Variants in LMO4 observed in about 807,000 individuals in gnomAD.
LMO4 encodes the protein LIM domain only 4.
Under a neutral mutation model 18.5 loss-of-function variants are expected in LMO4, and 3 were observed. The ratio of observed to expected loss-of-function variants is 0.16; its 90% CI spans 0.07 to 0.42. The LOEUF (loss-of-function observed/expected upper bound fraction) is 0.42, where lower values mean the gene tolerates loss of function less well. Ranked by LOEUF, LMO4 falls within the 10% of genes least tolerant of loss-of-function variation. LMO4 has a pLI of 0.99. For synonymous variants in LMO4, 100 were observed against 88.1 expected, an observed-to-expected ratio of 1.14 and a Z score of -0.76; for missense variants, 121 against 219.9, an observed-to-expected ratio of 0.55 and a Z score of 2.84.
At position 87,345,910 on chromosome 1, in the gene LMO4, C is replaced by T. The variant is rs1179147872; in HGVS notation, c.*1114C>T. 1.3e-5 allele frequency: 2 copies of T among 151,960 alleles called. No individual in the cohort carries two copies. The highest frequency in any genetic ancestry group is 2.9e-5 in the Non-Finnish European group (2 of 67,988). The allele number at this position is 151,960 out of a possible 1,614,324, so 9.4% of individuals were successfully genotyped here. On this transcript the variant is annotated 3_prime_UTR_variant, in exon 5 of 5. Coordinates refer to ENST00000370544, the MANE Select transcript of LMO4 (RefSeq NM_006769.4). ...CCACTATTTTGTTTATTCTTTTTCT[C>T]AATAGCAAACAAAGCCTTGGGTATT...
Position 87,348,702 on chromosome 1 carries a change from G to A in LMO4, c.*3906G>A, listed in dbSNP as rs1366842880. 1 of 511,062 alleles carries A rather than the reference G, an allele frequency of 2.0e-6. No individual in the cohort carries two copies. Among genetic ancestry groups the A allele is most frequent in the Admixed American group, 2.0e-5 (1 of 50,310 alleles). The allele number at this position is 511,062 out of a possible 1,614,324, so 31.7% of individuals were successfully genotyped here. A position where few individuals can be genotyped will look rare whatever the true frequency, so the allele number is the denominator to read the frequency against. Reference sequence around the variant, plus strand: ...GGTGAACTTGCAACTTACCTCAAGTGAATACTGTTTTCAGTTGTGCAAGAA... The same window carrying A: ...GGTGAACTTGCAACTTACCTCAAGTAAATACTGTTTTCAGTTGTGCAAGAA... On this transcript the variant is annotated 3_prime_UTR_variant, in exon 5 of 5. Coordinates refer to ENST00000370544, the MANE Select transcript of LMO4 (RefSeq NM_006769.4).
chr1:87,348,856 T>TA lies in LMO4; in HGVS notation c.*4061dup. 1 of 464,692 alleles carries TA rather than the reference T, an allele frequency of 2.2e-6. No individual in the cohort carries two copies. Among genetic ancestry groups the TA allele is most frequent in the Non-Finnish European group, 4.3e-6 (1 of 231,004 alleles). 28.8% of individuals were successfully genotyped at this position (464,692 alleles called of 1,614,324 possible). On this transcript the variant is annotated 3_prime_UTR_variant, in exon 5 of 5. Transcript: ENST00000370544. Reference sequence around the variant, plus strand: ...TAATGTACTACAGGCCCTGACATGTTACAGCTGTGTAAACAGGGCCATTCT... The same window carrying TA: ...TAATGTACTACAGGCCCTGACATGTTAACAGCTGTGTAAACAGGGCCATTCT...
rs898846887 is a variant in LMO4, at chr1:87,329,212, C to G, written c.-36C>G. 2.6e-5 allele frequency: 4 copies of G among 152,440 alleles called. No individual in the cohort carries two copies. In the East Asian group the frequency reaches 7.7e-4, roughly 30 times the overall value. The allele number at this position is 152,440 out of a possible 1,614,324, so 9.4% of individuals were successfully genotyped here. ...TTCGCTCGCATTTCACCGCCGCCGC[C>G]TCTCGCAATATTGCAATATAGGGGA... On this transcript the variant is annotated 5_prime_UTR_variant, in exon 1 of 5. Transcript: ENST00000370544.
At chr1:87,338,416 C>T (rs1650374062) in intron 2 of LMO4, among the ~76,000 whole-genome samples, 1 of 152,146 alleles carries the variant, frequency 6.6e-6, no homozygotes, top group Non-Finnish European at 1.5e-5. Context: ...TGAAAACTAC[C>T]TCTCTGATTC....
intron 4 of LMO4, among the ~76,000 whole-genome samples, chr1:87,340,911 C>T (rs529813226): frequency 6.6e-6 from 1 of 152,254 alleles, no homozygotes; most frequent in Admixed American, 6.5e-5. Flanking sequence ...TACAAGTATA[C>T]AAATCATGTA....
intron 4 of LMO4, among the ~76,000 whole-genome samples, chr1:87,342,485 G>T (rs761738644): frequency 1.3e-5 from 2 of 152,098 alleles, no homozygotes; most frequent in Non-Finnish European, 2.9e-5. Flanking sequence ...TTTAGGCAAT[G>T]AATAAGAACC....
chr1:87,347,030 A>G lies in LMO4; in HGVS notation c.*2234A>G, dbSNP rs1339211160. The G allele has an allele frequency of 6.6e-6, 1 of 152,186 alleles. No homozygotes were observed. The highest frequency in any genetic ancestry group is 1.5e-5 in the Non-Finnish European group (1 of 68,040). The allele number at this position is 152,186 out of a possible 1,614,324, so 9.4% of individuals were successfully genotyped here. On this transcript the variant is annotated 3_prime_UTR_variant, in exon 5 of 5. Transcript: ENST00000370544. ...GGTTAATAACTTTAGTAAATAATAT[A>G]TTGTCGCATTTAATGATGTGGAGGG...
intron 4 of LMO4, among the ~76,000 whole-genome samples, chr1:87,342,875 T>C (rs1435070236): frequency 6.6e-6 from 1 of 152,166 alleles, no homozygotes; most frequent in Non-Finnish European, 1.5e-5. Context: ...TTTAAAATTA[T>C]TTTCCCAAAA....
chr1:87,336,977 A>ACACACACAC lies in LMO4; in HGVS notation c.237-2559_237-2558insCACACACAC, dbSNP rs1553157571. Among the ~76,000 whole-genome samples the ACACACACAC allele has an allele frequency of 4.7e-4, 71 of 151,876 alleles. No individual in the cohort carries two copies. The South Asian group carries it at 6.2e-3, about 13-fold the overall frequency. ...CCAGCGCACAGAAACGTTGTGAAAAAACACACACACACACGCACACACAAC... is the reference window on the plus strand; with the variant it reads ...CCAGCGCACAGAAACGTTGTGAAAAACACACACACACACACACACACACGCACACACAAC... On this transcript the variant is annotated intron_variant, in intron 2 of 4. Coordinates refer to ENST00000370544, the MANE Select transcript of LMO4 (RefSeq NM_006769.4).
intron 1 of LMO4, chr1:87,331,629 G>T: frequency 4.4e-6 from 1 of 228,738 alleles, no homozygotes; most frequent in South Asian, 9.1e-5. Context: ...CTGGAGGCGG[G>T]CGGCGGAGGA....
At position 87,347,172 on chromosome 1, in the gene LMO4, A is replaced by C. The variant is rs1221937863; in HGVS notation, c.*2376A>C. On this transcript the variant is annotated 3_prime_UTR_variant, in exon 5 of 5. Transcript: ENST00000370544. ...TTAAGTTGCAGACCTATAAGATTAC[A>C]AATGTCACTCATGTTAGTATAATCC... 1 of 152,222 alleles carries C rather than the reference A, an allele frequency of 6.6e-6. No individual in the cohort carries two copies. The highest frequency in any genetic ancestry group is 2.4e-5 in the African/African-American group (1 of 41,458). The allele number at this position is 152,222 out of a possible 1,614,324, so 9.4% of individuals were successfully genotyped here. A position where few individuals can be genotyped will look rare whatever the true frequency, so the allele number is the denominator to read the frequency against.
chr1:87,339,060 G>A (rs1490878593), intron 2 of LMO4, among the ~76,000 whole-genome samples: 1 of 152,150 alleles, frequency 6.6e-6, no homozygotes, highest in Non-Finnish European at 1.5e-5. Context: ...CACTGATGGA[G>A]GTTTACGGGA....
intron 1 of LMO4, among the ~76,000 whole-genome samples, chr1:87,330,807 T>G (rs1189072160): frequency 2.0e-5 from 3 of 152,198 alleles, no homozygotes; most frequent in Non-Finnish European, 4.4e-5. Flanking sequence ...GTAAATAACT[T>G]GATCTTTTTA....
chr1:87,335,542 C>A (rs1261907402), intron 2 of LMO4, among the ~76,000 whole-genome samples: 1 of 151,918 alleles, frequency 6.6e-6, no homozygotes, highest in Non-Finnish European at 1.5e-5. Context: ...ACGTGGCGCC[C>A]GCAGCCGCAG....
rs1650601876 is a variant in LMO4, at chr1:87,345,503, TC to T, written c.*708del. 1 of 151,296 alleles carries T rather than the reference TC, an allele frequency of 6.6e-6. No homozygotes were observed. The highest frequency in any genetic ancestry group is 2.4e-5 in the African/African-American group (1 of 41,030). 9.4% of individuals were successfully genotyped at this position (151,296 alleles called of 1,614,324 possible). A position where few individuals can be genotyped will look rare whatever the true frequency, so the allele number is the denominator to read the frequency against. On this transcript the variant is annotated 3_prime_UTR_variant, in exon 5 of 5. Coordinates refer to ENST00000370544, the MANE Select transcript of LMO4 (RefSeq NM_006769.4). ...TTTGCTGAATGAAGAAAAAAAAAAA[TC>T]TTTTATTTGTGATATTTTCAGAGAC...
intron 2 of LMO4, among the ~76,000 whole-genome samples, chr1:87,333,420 TTTTC>T (rs770372297): frequency 2.6e-4 from 39 of 152,346 alleles, no homozygotes; most frequent in Non-Finnish European, 4.7e-4. Context: ...TAGAAAATTT[TTTTC>T]TTTCTTCAGT....
chr1:87,340,014 C>T (rs1271521585), intron 3 of LMO4, 33 bp from the exon 4 acceptor site: 1 of 1,602,366 alleles, frequency 6.2e-7, no homozygotes, highest in East Asian at 2.2e-5. Flanking sequence ...TAATTTTTAC[C>T]TTGTTTTCAG....
chr1:87,329,439 C>T (rs1166592891), intron 1 of LMO4, among the ~76,000 whole-genome samples, 195 bp downstream of exon 1: 1 of 152,144 alleles, frequency 6.6e-6, no homozygotes, highest in Non-Finnish European at 1.5e-5. Flanking sequence ...AGGGCAGCCC[C>T]GGGCCGCCAG....
intron 1 of LMO4, 65 bp from the exon 2 acceptor site, chr1:87,331,948 A>G (rs1650166987): frequency 1.5e-6 from 2 of 1,320,092 alleles, no homozygotes; most frequent in Admixed American, 1.7e-5. Flanking sequence ...CTCTCCGGCG[A>G]TTACTAACTT....
Sources: gnomAD v4.1 joint callset for allele counts (sites outside exome capture counted in the v4.1 genomes callset) on GRCh38, gnomAD v4.1.1 for gene constraint, MANE v1.5 for transcripts, NCBI Gene and HGNC (gene_info 2026-07-23, HGNC 2026-07-21) for gene names.